Variants in XKR6 observed in about 807,000 individuals in gnomAD.
XKR6 encodes the protein XK related 6.
Under a neutral mutation model 56.7 loss-of-function variants are expected in XKR6, and 22 were observed. That is an observed-to-expected ratio of 0.39 (90% CI 0.28 to 0.55). XKR6 has a LOEUF of 0.55. Among genes scored for constraint, XKR6 ranks in the 20% least tolerant of loss-of-function variants. The pLI is 0.66. For synonymous variants in XKR6, 524 were observed against 387.8 expected, an observed-to-expected ratio of 1.35 and a Z score of -4.13; for missense variants, 852 against 889.0, an observed-to-expected ratio of 0.96 and a Z score of 0.53.
intron 1 of XKR6, among the ~76,000 whole-genome samples, chr8:11,106,898 GGCAAACCTTAGACAA>G (rs1798699877): frequency 6.9e-6 from 1 of 144,028 alleles, no homozygotes; most frequent in Non-Finnish European, 1.5e-5. Flanking sequence ...AATGTTTACA[GGCAAACCTTAGACAA>G]CCCAGATCCT....
intron 1 of XKR6, among the ~76,000 whole-genome samples, chr8:10,972,848 G>A (rs1191262792): frequency 6.6e-6 from 1 of 152,150 alleles, no homozygotes; most frequent in Middle Eastern, 3.2e-3. Flanking sequence ...ACTTAAAATC[G>A]GTTAAAATGG....
intron 2 of XKR6, among the ~76,000 whole-genome samples, chr8:10,912,659 T>C (rs1034530857): frequency 2.1e-5 from 3 of 143,024 alleles, no homozygotes; most frequent in African/African-American, 7.8e-5. Flanking sequence ...TGTCTATATG[T>C]GTGTCTATAT....
intron 1 of XKR6, among the ~76,000 whole-genome samples, chr8:10,962,521 T>C (rs1198643507): frequency 3.3e-5 from 5 of 152,232 alleles, no homozygotes; most frequent in Admixed American, 2.6e-4. Flanking sequence ...GTCTTACATC[T>C]TTTGGAACTT....
intron 1 of XKR6, among the ~76,000 whole-genome samples, chr8:11,047,666 T>A (rs1388105393): frequency 6.6e-6 from 1 of 152,170 alleles, no homozygotes; most frequent in Non-Finnish European, 1.5e-5. Context: ...GAGCTTCAGT[T>A]TGGGAAGATG....
At chr8:10,972,199 G>T (rs1016210924) in intron 1 of XKR6, among the ~76,000 whole-genome samples, 1 of 152,108 alleles carries the variant, frequency 6.6e-6, no homozygotes, top group Non-Finnish European at 1.5e-5. Flanking sequence ...TTGACTCTAG[G>T]TTCTATTTTG....
chr8:11,093,024 TTTTTC>T (rs1563130770), intron 1 of XKR6, among the ~76,000 whole-genome samples: 7 of 148,228 alleles, frequency 4.7e-5, no homozygotes, highest in East Asian at 1.9e-4. Context: ...TCTCTTTTCT[TTTTTC>T]TTTTCTCTTT....
At chr8:10,911,320 AGT>A (rs1800355850) in intron 2 of XKR6, among the ~76,000 whole-genome samples, 1 of 114,480 alleles carries the variant, frequency 8.7e-6, no homozygotes, top group African/African-American at 3.6e-5. Context: ...AGAGAGGGTG[AGT>A]ATATATATAT....
At chr8:11,136,476 C>G (rs148182030) in intron 1 of XKR6, among the ~76,000 whole-genome samples, 3,605 of 151,004 alleles carry the variant, frequency 0.024, 57 homozygotes, top group Non-Finnish European at 0.04. Flanking sequence ...TGCACTCCAG[C>G]CCGGGCAACA....
chr8:11,020,086 C>G (rs1798716271), intron 1 of XKR6, among the ~76,000 whole-genome samples: 2 of 152,138 alleles, frequency 1.3e-5, no homozygotes, highest in Non-Finnish European at 2.9e-5. Flanking sequence ...CCCACCCACC[C>G]AAGGCCCAGT....
At chr8:10,999,838 T>C (rs568360025) in intron 1 of XKR6, among the ~76,000 whole-genome samples, 6 of 152,284 alleles carry the variant, frequency 3.9e-5, no homozygotes, top group Admixed American at 3.9e-4. Context: ...ATGCAAATCA[T>C]GGGGCAGGGT....
chr8:10,965,902 C>T (rs1802208195), intron 1 of XKR6, among the ~76,000 whole-genome samples: 1 of 152,174 alleles, frequency 6.6e-6, no homozygotes, highest in Non-Finnish European at 1.5e-5. Context: ...CACCTGGTCC[C>T]CTGGGAACCA....
rs374953194 is a variant in XKR6, at chr8:11,089,911, C to A, written c.764+110665G>T. Among the ~76,000 whole-genome samples, 170 of 152,222 alleles carry A rather than the reference C, an allele frequency of 1.1e-3. 4 individuals are homozygous for A. In the South Asian group the frequency reaches 0.035, roughly 31 times the overall value. Reference sequence around the variant, plus strand: ...ACTTATTCATATGCACACACATAAACATATATAATAGTTTGTTTTAAAATT... The same window carrying A: ...ACTTATTCATATGCACACACATAAAAATATATAATAGTTTGTTTTAAAATT... On this transcript the variant is annotated intron_variant, in intron 1 of 2. Coordinates refer to ENST00000416569, the MANE Select transcript of XKR6 (RefSeq NM_173683.4).
intron 1 of XKR6, among the ~76,000 whole-genome samples, chr8:11,143,424 A>G (rs1276681313): frequency 6.6e-6 from 1 of 152,238 alleles, no homozygotes; most frequent in African/African-American, 2.4e-5. Flanking sequence ...ATGTAACTGC[A>G]TTCTGCTGCC....
chr8:11,182,276 G>C (rs771764526), intron 1 of XKR6, among the ~76,000 whole-genome samples: 1 of 152,144 alleles, frequency 6.6e-6, no homozygotes, highest in Non-Finnish European at 1.5e-5. Flanking sequence ...GAATTTGAAA[G>C]AGCACTCTTC....
intron 1 of XKR6, among the ~76,000 whole-genome samples, chr8:11,052,886 C>T (rs1799589716): frequency 6.6e-6 from 1 of 152,226 alleles, no homozygotes; most frequent in Admixed American, 6.5e-5. Flanking sequence ...GGCTTCCTGG[C>T]CACCTGCAGA....
chr8:11,179,049 G>A (rs1368729974), intron 1 of XKR6, among the ~76,000 whole-genome samples: 1 of 142,722 alleles, frequency 7.0e-6, no homozygotes, highest in Non-Finnish European at 1.5e-5. Flanking sequence ...TGGAGAGCTA[G>A]GGTCTCCCAT....
At chr8:11,128,121 G>C (rs755364484) in intron 1 of XKR6, among the ~76,000 whole-genome samples, 2 of 152,162 alleles carry the variant, frequency 1.3e-5, no homozygotes, top group Admixed American at 1.3e-4. Context: ...AAATTAGCTA[G>C]AATGAAGTTA....
chr8:11,065,620 A>T (rs1586498258), intron 1 of XKR6, among the ~76,000 whole-genome samples: 2 of 151,982 alleles, frequency 1.3e-5, no homozygotes, highest in African/African-American at 4.8e-5. Flanking sequence ...TTTGGGAGAC[A>T]GCCTCGAGAA....
chr8:11,129,119 G>C lies in XKR6; in HGVS notation c.764+71457C>G. 8.1e-6 allele frequency: 3 copies of C among 371,016 alleles called. 1 individual carries two copies. The highest frequency in any genetic ancestry group is 6.2e-5 in the South Asian group (3 of 48,476). The allele number at this position is 371,016 out of a possible 1,614,324, so 23.0% of individuals were successfully genotyped here. A position where few individuals can be genotyped will look rare whatever the true frequency, so the allele number is the denominator to read the frequency against. ...ATCAAGAAAATACTTCCAACTTTGG[G>C]CTATGATGAATAAAGGAGTTTCTTT... On this transcript the variant is annotated intron_variant, in intron 1 of 2. Coordinates refer to ENST00000416569, the MANE Select transcript of XKR6 (RefSeq NM_173683.4).
Sources: allele counts gnomAD v4.1 joint callset (sites outside exome capture counted in the v4.1 genomes callset), GRCh38; gene constraint gnomAD v4.1.1; transcripts MANE v1.5; gene names NCBI Gene and HGNC (gene_info 2026-07-23, HGNC 2026-07-21).